Variants in DNAH8 observed in about 807,000 individuals in gnomAD.
DNAH8 encodes the protein axonemal beta dynein heavy chain 8.
Under a neutral mutation model 562.1 loss-of-function variants are expected in DNAH8, and 382 were observed. That is an observed-to-expected ratio of 0.68 (90% CI 0.63 to 0.74). The LOEUF (loss-of-function observed/expected upper bound fraction) is 0.74. DNAH8 is among the 30% of genes least tolerant of loss of function. DNAH8 has a pLI of 0.00. For synonymous variants in DNAH8, 1,881 were observed against 1,919.4 expected (o/e 0.98, Z 0.52); for missense variants, 5,203 against 5,620.4 (o/e 0.93, Z 2.37).
At chr6:38,906,985 G>A (rs1018412039) in intron 63 of DNAH8, among the ~76,000 whole-genome samples, 7 of 152,116 alleles carry the variant, frequency 4.6e-5, no homozygotes, top group Admixed American at 1.3e-4. Context: ...ATTTGGGGGT[G>A]CTCAACCAGT....
At chr6:38,845,859 C>G (rs990210500) in intron 36 of DNAH8, 86 bp downstream of exon 36, 21 of 1,119,774 alleles carry the variant, frequency 1.9e-5, no homozygotes, top group African/African-American at 5.1e-5. Context: ...AAAGCTCTTT[C>G]ATTGGATGGA....
rs376345680 is a variant in DNAH8 at position 38,840,922 on chromosome 6, G to A, written c.4467-1446G>A. 1.1e-4 allele frequency among the ~76,000 whole-genome samples: 17 copies of A among 151,334 alleles called. No individual in the cohort carries two copies. The South Asian group carries it at 3.6e-3, about 32-fold the overall frequency. ...ATGCAGTAGTCATTTTTTTTTCACTGTTGCATTACCCTTTAGGCAATGTCA... is the reference window on the plus strand; with the variant it reads ...ATGCAGTAGTCATTTTTTTTTCACTATTGCATTACCCTTTAGGCAATGTCA... On this transcript the variant is annotated intron_variant, in intron 33 of 92. Transcript: ENST00000327475.
chr6:38,958,575 T>C (rs1296245378), intron 82 of DNAH8, among the ~76,000 whole-genome samples: 2 of 146,074 alleles, frequency 1.4e-5, no homozygotes, highest in South Asian at 2.1e-4. Flanking sequence ...CAAGACTGAA[T>C]TATGAAGAAT....
chr6:38,894,671 A>T lies in DNAH8; in HGVS notation c.8584-30A>T, dbSNP rs16891228. On this transcript the variant is annotated intron_variant, in intron 58 of 92. Coordinates refer to ENST00000327475, the MANE Select transcript of DNAH8 (RefSeq NM_001206927.2). Reference sequence around the variant, plus strand: ...TACTTTTAGTTGTATCTGAAAACTAACTGAGAGTATTACATTTTTTCATCT... The same window carrying T: ...TACTTTTAGTTGTATCTGAAAACTATCTGAGAGTATTACATTTTTTCATCT... 8.4e-3 allele frequency: 13,311 copies of T among 1,581,942 alleles called. 480 individuals carry two copies. In the East Asian group the frequency reaches 0.11, roughly 13 times the overall value.
At chr6:38,726,434 G>T (rs953854237) in intron 3 of DNAH8, among the ~76,000 whole-genome samples, 4 of 152,174 alleles carry the variant, frequency 2.6e-5, no homozygotes, top group Non-Finnish European at 5.9e-5. Context: ...GAAGTGCTAT[G>T]TGCCTACAAA....
chr6:38,843,938 T>A (rs12524328), intron 35 of DNAH8, among the ~76,000 whole-genome samples: 1 of 152,086 alleles, frequency 6.6e-6, no homozygotes, highest in Admixed American at 6.6e-5. Flanking sequence ...GAGCCAGGTG[T>A]TGTAATAGCG....
At chr6:38,820,723 C>G (rs1678711) in intron 26 of DNAH8, among the ~76,000 whole-genome samples, 26,138 of 152,012 alleles carry the variant, frequency 0.17, 2,523 homozygotes, top group East Asian at 0.28. Context: ...GTTTAACATC[C>G]TAAAATACAC....
intron 53 of DNAH8, among the ~76,000 whole-genome samples, chr6:38,881,040 A>C (rs1778435684): frequency 1.3e-5 from 2 of 152,128 alleles, no homozygotes; most frequent in South Asian, 2.1e-4. Context: ...AAAAACAAAA[A>C]CAAAACCCCG....
At chr6:38,871,937 C>T (rs536071950) in intron 49 of DNAH8, among the ~76,000 whole-genome samples, 1 of 152,134 alleles carries the variant, frequency 6.6e-6, no homozygotes, top group African/African-American at 2.4e-5. Context: ...TCCAGTCTCC[C>T]GAGGGATCAG....
Position 38,872,922 on chromosome 6 carries a change from C to T in DNAH8, c.7254C>T (p.Leu2418=). 2 of 1,613,376 alleles carry T rather than the reference C, an allele frequency of 1.2e-6. No individual in the cohort carries two copies. Among genetic ancestry groups the T allele is most frequent in the Non-Finnish European group, 1.7e-6 (2 of 1,179,822 alleles). ...TATTTTCAGGTGAAAACATTTTCCT[C>T]ATTTTAGATGGTCCTGTGGATGCCA... The part of the protein sequence containing the change: ...LKAKKGENIF[L]ILDGPVDAIW... The change falls in exon 51 of 93, where the codon CTC becomes CTT. Residue 2418 remains leucine, a synonymous_variant. Transcript: ENST00000327475.
intron 88 of DNAH8, among the ~76,000 whole-genome samples, chr6:38,994,197 T>A (rs1764982019): frequency 6.6e-6 from 1 of 152,208 alleles, no homozygotes; most frequent in Non-Finnish European, 1.5e-5. Context: ...TATTTATATA[T>A]AGTCTGTCCA....
intron 9 of DNAH8, among the ~76,000 whole-genome samples, chr6:38,751,763 T>C (rs901208923): frequency 3.9e-5 from 6 of 152,210 alleles, no homozygotes; most frequent in African/African-American, 1.4e-4. Flanking sequence ...ATCTCTATCC[T>C]TTATTTAATA....
intron 58 of DNAH8, 79 bp from the exon 59 acceptor site, chr6:38,894,622 G>T: frequency 8.8e-7 from 1 of 1,134,726 alleles, no homozygotes; most frequent in Non-Finnish European, 1.3e-6. Flanking sequence ...AATAGGATTT[G>T]TGAGACAGTT....
intron 18 of DNAH8, among the ~76,000 whole-genome samples, chr6:38,787,945 G>A (rs1223405543): frequency 1.3e-5 from 2 of 151,600 alleles, no homozygotes; most frequent in Admixed American, 6.6e-5. Context: ...ATAAATGCAA[G>A]GACATTTTTT....
chr6:38,874,099 T>TTTCTCC lies in DNAH8; in HGVS notation c.7620+727_7620+732dup, dbSNP rs1777750027. On this transcript the variant is annotated intron_variant, in intron 52 of 92. Transcript: ENST00000327475. Reference sequence around the variant, plus strand: ...TTCTTTCTTTCTTTCTTTCTTTCTCTTTCTCCTTCCTTCCTTCCTCCTTCT... The same window carrying TTTCTCC: ...TTCTTTCTTTCTTTCTTTCTTTCTCTTTCTCCTTCTCCTTCCTTCCTTCCTCCTTCT... 2.5e-5 allele frequency among the ~76,000 whole-genome samples: 3 copies of TTTCTCC among 118,236 alleles called. 1 individual carries two copies. Among genetic ancestry groups the TTTCTCC allele is most frequent in the Non-Finnish European group, 5.4e-5 (3 of 55,486 alleles). 77.6% of individuals were successfully genotyped at this position (118,236 alleles called of 152,430 possible).
chr6:38,973,919 C>A, intron 84 of DNAH8, 106 bp downstream of exon 84: 1 of 799,770 alleles, frequency 1.3e-6, no homozygotes, highest in South Asian at 1.9e-5. Flanking sequence ...CCTGTAGGGT[C>A]TGGACTGCAA....
intron 74 of DNAH8, among the ~76,000 whole-genome samples, chr6:38,927,582 G>T (rs6933965): frequency 0.011 from 1,735 of 152,046 alleles, 25 homozygotes; most frequent in Middle Eastern, 0.037. Flanking sequence ...GAACACTTCT[G>T]TTCTTAGTTT....
intron 74 of DNAH8, among the ~76,000 whole-genome samples, chr6:38,927,000 T>A (rs992676885): frequency 1.3e-5 from 2 of 152,220 alleles, no homozygotes; most frequent in Non-Finnish European, 2.9e-5. Context: ...TGCACATTTA[T>A]CTTTTATTTC....
At chr6:38,904,916 G>A (rs1275124888) in intron 62 of DNAH8, among the ~76,000 whole-genome samples, 1 of 152,056 alleles carries the variant, frequency 6.6e-6, no homozygotes, top group Non-Finnish European at 1.5e-5. Flanking sequence ...ATTAGGAAGA[G>A]AAGAAGCACA....
Sources: gnomAD v4.1 joint callset for allele counts (sites outside exome capture counted in the v4.1 genomes callset) on GRCh38, gnomAD v4.1.1 for gene constraint, MANE v1.5 for transcripts, NCBI Gene and HGNC (gene_info 2026-07-23, HGNC 2026-07-21) for gene names.